KIFC1: variants seen among roughly 807,000 people sequenced by gnomAD.
The protein encoded by KIFC1 is kinesin-like protein KIFC1.
In KIFC1, 37 loss-of-function variants were observed where a neutral mutation model predicts 66.6. The ratio of observed to expected loss-of-function variants is 0.56; its 90% CI spans 0.43 to 0.73. The LOEUF (loss-of-function observed/expected upper bound fraction) is 0.73, where lower values mean the gene tolerates loss of function less well. Ranked by LOEUF, KIFC1 falls within the 30% of genes least tolerant of loss-of-function variation. KIFC1 has a pLI of 0.00. For missense variants in KIFC1, 721 were observed against 859.8 expected (o/e 0.84, Z 2.02); for synonymous variants, 325 against 343.5 (o/e 0.95, Z 0.60).
chr6:33,399,697 TATA>T (rs1775280190), intron 3 of KIFC1, among the ~76,000 whole-genome samples: 1 of 152,148 alleles, frequency 6.6e-6, no homozygotes, highest in Non-Finnish European at 1.5e-5. Context: ...ACAGTTAAAA[TATA>T]ATATAAATGA....
intron 10 of KIFC1, among the ~76,000 whole-genome samples, chr6:33,407,281 C>T (rs548854286): frequency 3.0e-4 from 45 of 152,238 alleles, no homozygotes; most frequent in African/African-American, 9.6e-4. Flanking sequence ...TAATGGCTCA[C>T]ACCTGTAGTT....
At chr6:33,393,142 A>G (rs1774870248) in intron 1 of KIFC1, among the ~76,000 whole-genome samples, 1 of 152,060 alleles carries the variant, frequency 6.6e-6, no homozygotes, top group Non-Finnish European at 1.5e-5. Context: ...AGTGAGGGAG[A>G]CAGACAAGCA....
In KIFC1 at chr6:33,401,080, A is replaced by T. The variant is rs941055466; in HGVS notation, c.251-2234A>T. On this transcript the variant is annotated intron_variant, in intron 3 of 10. Transcript: ENST00000428849. The surrounding 1 kb of genome is among the most constrained non-coding windows in gnomAD (Gnocchi z 4.5). ...CTAAATTTTGTTTTGGGCGGGGAGC[A>T]TATATTCAGGGCAATATGAATCTCT... is the stretch of plus-strand genomic sequence containing the variant. Among the ~76,000 whole-genome samples the T allele has an allele frequency of 1.3e-5, 2 of 152,146 alleles. No homozygotes were observed. The highest frequency in any genetic ancestry group is 2.9e-5 in the Non-Finnish European group (2 of 68,024).
In KIFC1 at chr6:33,398,019, T is replaced by C. The variant is rs1052920708; in HGVS notation, c.13-10T>C. The C allele has an allele frequency of 7.4e-6, 12 of 1,613,776 alleles. No individual in the cohort carries two copies. The highest frequency in any genetic ancestry group is 1.0e-5 in the Non-Finnish European group (12 of 1,179,932). On this transcript the variant is annotated splice_polypyrimidine_tract_variant and intron_variant, in intron 1 of 10. Coordinates refer to ENST00000428849, the MANE Select transcript of KIFC1 (RefSeq NM_002263.4). Reference sequence around the variant, plus strand: ...CTGGGTATTGTCTTAAGGGTCTCTTTTCCCAACAGAGGTCCCCCCTATTGG... The same window carrying C: ...CTGGGTATTGTCTTAAGGGTCTCTTCTCCCAACAGAGGTCCCCCCTATTGG...
chr6:33,394,596 C>T (rs762524763), intron 1 of KIFC1, among the ~76,000 whole-genome samples: 1 of 152,226 alleles, frequency 6.6e-6, no homozygotes, highest in African/African-American at 2.4e-5. Context: ...ATCCTCCCAC[C>T]TCAATCTCCC....
chr6:33,403,251 C>A lies in KIFC1; in HGVS notation c.251-63C>A. The A allele has an allele frequency of 7.0e-7, 1 of 1,426,482 alleles. No homozygotes were observed. The allele number at this position is 1,426,482 out of a possible 1,614,324, so 88.4% of individuals were successfully genotyped here. ...AGCACTTCTTCTGCCCCTGTCCTAG[C>A]AAGTGTACATGCCATCTTAAGAATG... On this transcript the variant is annotated intron_variant, in intron 3 of 10. Transcript: ENST00000428849. The surrounding 1 kb of genome is among the most constrained non-coding windows in gnomAD (Gnocchi z 4.6).
rs1471224782 is a variant in KIFC1 at position 33,401,943 on chromosome 6, G to T, written c.251-1371G>T. ...GATGGTCTCAATCTCCTGACCCCTT[G>T]ATCTGCCCACCTCGGCCTCCCAAAG... is the stretch of plus-strand genomic sequence containing the variant. On this transcript the variant is annotated intron_variant, in intron 3 of 10. Coordinates refer to ENST00000428849, the MANE Select transcript of KIFC1 (RefSeq NM_002263.4). The surrounding 1 kb of genome is among the most constrained non-coding windows in gnomAD (Gnocchi z 4.5). Among the ~76,000 whole-genome samples the T allele has an allele frequency of 6.6e-6, 1 of 152,116 alleles. No homozygotes were observed. The highest frequency in any genetic ancestry group is 6.6e-5 in the Admixed American group (1 of 15,260).
At chr6:33,408,091 A>C (rs1339050828) in intron 10 of KIFC1, among the ~76,000 whole-genome samples, 1 of 152,228 alleles carries the variant, frequency 6.6e-6, no homozygotes, top group East Asian at 1.9e-4. Context: ...TATTAATGTT[A>C]TACCAATGTA....
In KIFC1 at chr6:33,401,502, A is replaced by G. The variant is rs1481637860; in HGVS notation, c.251-1812A>G. On this transcript the variant is annotated intron_variant, in intron 3 of 10. Transcript: ENST00000428849. This position sits in a 1 kb window ranked among gnomAD's most constrained non-coding sequence, Gnocchi z 4.5. ...TTCCAAGAAATAAGCTTAAATTTGAAAAATTTTAAATATTATTTTGCTTTT... is the reference window on the plus strand; with the variant it reads ...TTCCAAGAAATAAGCTTAAATTTGAGAAATTTTAAATATTATTTTGCTTTT... 6.6e-6 allele frequency among the ~76,000 whole-genome samples: 1 copy of G among 152,174 alleles called. No individual in the cohort carries two copies. The highest frequency in any genetic ancestry group is 1.5e-5 in the Non-Finnish European group (1 of 68,032).
intron 10 of KIFC1, 46 bp from the exon 11 acceptor site, chr6:33,409,600 T>C (rs1775819322): frequency 6.3e-7 from 1 of 1,578,278 alleles, no homozygotes; most frequent in Non-Finnish European, 8.7e-7. Context: ...AAATGTTGTA[T>C]TGGTTACGCT....
Position 33,405,494 on chromosome 6 carries a change from G to A in KIFC1, c.1399G>A (p.Glu467Lys). Reference protein sequence around the residue: ...FVASYVEIYNETVRDLLATGT... With the variant: ...FVASYVEIYNKTVRDLLATGT... ...AGCAAGCTACGTAGAGATCTACAAT[G>A]AGACTGTCCGGGACCTGCTGGCCAC... is the stretch of plus-strand genomic sequence containing the variant. The change falls in exon 7 of 11, where the codon GAG becomes AAG. Residue 467 changes from glutamate to lysine, a missense_variant. Coordinates refer to ENST00000428849, the MANE Select transcript of KIFC1 (RefSeq NM_002263.4). The surrounding 1 kb of genome is among the most constrained non-coding windows in gnomAD (Gnocchi z 5.4). The A allele has an allele frequency of 6.2e-7, 1 of 1,612,868 alleles. No individual in the cohort carries two copies. The highest frequency in any genetic ancestry group is 8.5e-7 in the Non-Finnish European group (1 of 1,179,428).
At chr6:33,408,389 G>A (rs1299277490) in intron 10 of KIFC1, among the ~76,000 whole-genome samples, 4 of 152,152 alleles carry the variant, frequency 2.6e-5, no homozygotes, top group African/African-American at 9.7e-5. Context: ...TTTGGGTGTT[G>A]TCAACCTGAC....
chr6:33,406,064 G>T lies in KIFC1; in HGVS notation c.1537-132G>T, dbSNP rs1447292975. The T allele has an allele frequency of 2.7e-5, 22 of 810,638 alleles. No homozygotes were observed. The highest frequency in any genetic ancestry group is 4.3e-5 in the Non-Finnish European group (22 of 515,520). The allele number at this position is 810,638 out of a possible 1,614,324, so 50.2% of individuals were successfully genotyped here. ...ATTCCTTACCATTTTCAGACATACT[G>T]TGCATCTTATTTTGTTTCTTGACAG... On this transcript the variant is annotated intron_variant, in intron 7 of 10. Transcript: ENST00000428849. This position sits in a 1 kb window ranked among gnomAD's most constrained non-coding sequence, Gnocchi z 4.5.
At position 33,405,588 on chromosome 6, in the gene KIFC1, C is replaced by A; in HGVS notation, c.1493C>A (p.Thr498Asn). ...RRAGPGSEEL[T>N]VTNARYVPVS... ...GCAGGGCCAGGGAGTGAGGAGCTCA[C>A]TGTCACCAATGCTCGATATGTCCCT... The change falls in exon 7 of 11, where the codon ACT (threonine) becomes AAT (asparagine). Residue 498 changes from threonine (T) to asparagine (N), a missense_variant. Thr to Asn is a moderately conservative substitution (Grantham distance 65, BLOSUM62 0). Transcript: ENST00000428849. The surrounding 1 kb of genome is among the most constrained non-coding windows in gnomAD (Gnocchi z 5.4). The A allele has an allele frequency of 6.4e-7, 1 of 1,554,496 alleles. No homozygotes were observed. The highest frequency in any genetic ancestry group is 8.7e-7 in the Non-Finnish European group (1 of 1,153,768).
intron 10 of KIFC1, among the ~76,000 whole-genome samples, chr6:33,409,271 A>G (rs902080198): frequency 2.0e-5 from 3 of 152,070 alleles, no homozygotes; most frequent in Non-Finnish European, 4.4e-5. Flanking sequence ...CCTTCCCCAG[A>G]CTTCAACTGA....
Position 33,403,197 on chromosome 6 carries a change from G to A in KIFC1, c.251-117G>A. On this transcript the variant is annotated intron_variant, in intron 3 of 10. Coordinates refer to ENST00000428849, the MANE Select transcript of KIFC1 (RefSeq NM_002263.4). This position sits in a 1 kb window ranked among gnomAD's most constrained non-coding sequence, Gnocchi z 4.6. ...TGGCCAGACTTAGGGATAAGGGAAG[G>A]AAGTTATCCTATTTCTAATTCTGAG... is the stretch of plus-strand genomic sequence containing the variant. 1.1e-6 allele frequency: 1 copy of A among 936,616 alleles called. No homozygotes were observed. Among genetic ancestry groups the A allele is most frequent in the Non-Finnish European group, 1.7e-6 (1 of 584,260 alleles). 58.0% of individuals were successfully genotyped at this position (936,616 alleles called of 1,614,324 possible).
Position 33,398,293 on chromosome 6 carries a change from G to A in KIFC1, c.156G>A (p.Arg52=). ...MEDGLEPEKK[R]TRGLGATTKI... ...TTGTCTTTATCTTTCCCCAGAAACG[G>A]ACAAGAGGCCTGGGTGCAACGACCA... Residue 52 remains arginine (R), a synonymous_variant, in exon 3 of 11, where the codon CGG becomes CGA. Transcript: ENST00000428849. 2 of 1,613,964 alleles carry A rather than the reference G, an allele frequency of 1.2e-6. No individual in the cohort carries two copies. The highest frequency in any genetic ancestry group is 1.7e-6 in the Non-Finnish European group (2 of 1,179,994).
Position 33,404,221 on chromosome 6 carries a change from G to C in KIFC1, c.756+92G>C. The C allele has an allele frequency of 8.1e-7, 1 of 1,228,142 alleles. No homozygotes were observed. Among genetic ancestry groups the C allele is most frequent in the Non-Finnish European group, 1.1e-6 (1 of 877,694 alleles). The allele number at this position is 1,228,142 out of a possible 1,614,324, so 76.1% of individuals were successfully genotyped here. A position where few individuals can be genotyped will look rare whatever the true frequency, so the allele number is the denominator to read the frequency against. The stretch of plus-strand genomic sequence containing the variant: ...TCCAGGTACCCCTCAAGTCTGGGCT[G>C]AGAACTCCTGAGCACCTATCTTTAG... On this transcript the variant is annotated intron_variant, in intron 6 of 10. Transcript: ENST00000428849. This position sits in a 1 kb window ranked among gnomAD's most constrained non-coding sequence, Gnocchi z 4.0.
At chr6:33,407,047 T>A in intron 10 of KIFC1, 172 bp downstream of exon 10, 1 of 1,418,908 alleles carries the variant, frequency 7.0e-7, no homozygotes, top group Non-Finnish European at 9.2e-7. Flanking sequence ...TTGAGTTAAG[T>A]TTTTTAAAAA....
Sources: allele counts gnomAD v4.1 joint callset (sites outside exome capture counted in the v4.1 genomes callset), GRCh38; gene constraint gnomAD v4.1.1; non-coding constraint Gnocchi (gnomAD v3.1); transcripts MANE v1.5; gene names NCBI Gene and HGNC (gene_info 2026-07-23, HGNC 2026-07-21).